CLTC: variants seen among roughly 807,000 people sequenced by gnomAD.
CLTC encodes clathrin heavy chain.
Under a neutral mutation model 195.8 loss-of-function variants are expected in CLTC, and 16 were observed. That is an observed-to-expected ratio of 0.08 (90% CI 0.06 to 0.12). The LOEUF is 0.12. Ranked by LOEUF, CLTC falls within the 10% of genes least tolerant of loss-of-function variation. The pLI is 1.00. For missense variants in CLTC, 796 were observed against 2,027.0 expected (o/e 0.39, Z 11.66); for synonymous variants, 667 against 689.4 (o/e 0.97, Z 0.51).
At chr17:59,653,381 G>A (rs1341747711) in intron 5 of CLTC, among the ~76,000 whole-genome samples, 1 of 151,656 alleles carries the variant, frequency 6.6e-6, no homozygotes, top group South Asian at 2.1e-4. Flanking sequence ...TTTTAGTAGA[G>A]ATGGGGTTTC....
At chr17:59,678,411 A>C (rs1288427441) in intron 17 of CLTC, among the ~76,000 whole-genome samples, 5 of 152,176 alleles carry the variant, frequency 3.3e-5, no homozygotes, top group Admixed American at 6.5e-5. Context: ...GTTGGTTGCA[A>C]AATGAAAATT....
chr17:59,684,816 G>GAAA (rs61595408), intron 28 of CLTC, among the ~76,000 whole-genome samples: 1 of 146,324 alleles, frequency 6.8e-6, no homozygotes, highest in Admixed American at 6.9e-5. Context: ...CAAAAAAAAA[G>GAAA]AAAAAAATCT....
chr17:59,658,207 A>G (rs2032521740), intron 6 of CLTC, among the ~76,000 whole-genome samples: 1 of 152,156 alleles, frequency 6.6e-6, no homozygotes, highest in South Asian at 2.1e-4. Context: ...CGTCTCAAAA[A>G]AAAAAAGAGA....
chr17:59,689,480 A>T (rs1464592040), intron 30 of CLTC: 2 of 151,972 alleles, frequency 1.3e-5, no homozygotes, highest in African/African-American at 4.8e-5. Context: ...TGCAGTGAGC[A>T]TTCATAAAGT....
intron 2 of CLTC, chr17:59,645,912 G>C (rs60164173): frequency 4.8e-6 from 1 of 207,012 alleles, no homozygotes; most frequent in African/African-American, 2.4e-5. Flanking sequence ...CAATTCCCAT[G>C]CCTCTCTATT....
intron 6 of CLTC, among the ~76,000 whole-genome samples, chr17:59,658,976 A>G: frequency 6.6e-6 from 1 of 152,204 alleles, no homozygotes; most frequent in East Asian, 1.9e-4. Context: ...GGCAGGGCAG[A>G]CTGTTACCTA....
intron 31 of CLTC, among the ~76,000 whole-genome samples, chr17:59,691,485 G>A (rs1011237049): frequency 6.6e-6 from 1 of 151,936 alleles, no homozygotes; most frequent in East Asian, 1.9e-4. Flanking sequence ...TTAGCCGGGC[G>A]TGGTGGCACA....
In CLTC at chr17:59,631,670, T is replaced by A. The variant is rs182504216; in HGVS notation, c.42+11497T>A. 6.0e-3 allele frequency among the ~76,000 whole-genome samples: 918 copies of A among 152,274 alleles called. 2 individuals are homozygous for A. The highest frequency in any genetic ancestry group is 0.01 in the Non-Finnish European group (692 of 68,000). Reference sequence around the variant, plus strand: ...ATGTGGAAGGAGTAACAAGATTTTTTAAAAAGATTTTGAATTTAGGCTGGG... The same window carrying A: ...ATGTGGAAGGAGTAACAAGATTTTTAAAAAAGATTTTGAATTTAGGCTGGG... On this transcript the variant is annotated intron_variant, in intron 1 of 31. Transcript: ENST00000269122.
At chr17:59,689,065 A>T (rs1185707365) in intron 30 of CLTC, 2 of 152,220 alleles carry the variant, frequency 1.3e-5, no homozygotes, top group Admixed American at 6.5e-5. Context: ...ACTACATAAT[A>T]GTCTTTAATT....
intron 9 of CLTC, 147 bp from the exon 10 acceptor site, chr17:59,664,640 C>T: frequency 1.5e-6 from 1 of 648,244 alleles, no homozygotes; most frequent in Non-Finnish European, 2.4e-6. Context: ...ATGTCATCAC[C>T]AAGGTCTAAC....
In CLTC at chr17:59,696,801, C is replaced by G. The variant is rs1013558447; in HGVS notation, c.*2949C>G. 15 of 204,002 alleles carry G rather than the reference C, an allele frequency of 7.4e-5. No individual in the cohort carries two copies. Among genetic ancestry groups the G allele is most frequent in the African/African-American group, 2.7e-4 (12 of 43,758 alleles). The allele number at this position is 204,002 out of a possible 1,614,324, so 12.6% of individuals were successfully genotyped here. A position where few individuals can be genotyped will look rare whatever the true frequency, so the allele number is the denominator to read the frequency against. ...ATCTGTTAAGGTCCATAAGGTTACT[C>G]AAGTTTCAGTGGCTTCATTGTTACA... On this transcript the variant is annotated 3_prime_UTR_variant, in exon 32 of 32. Transcript: ENST00000269122.
intron 1 of CLTC, among the ~76,000 whole-genome samples, chr17:59,621,934 CAG>C (rs559188843): frequency 5.4e-4 from 83 of 152,304 alleles, no homozygotes; most frequent in African/African-American, 1.9e-3. Context: ...ATAAACCACA[CAG>C]AGAATCAAGT....
At position 59,684,111 on chromosome 17, in the gene CLTC, T is replaced by G; in HGVS notation, c.4434+126T>G. On this transcript the variant is annotated intron_variant, in intron 28 of 31. Coordinates refer to ENST00000269122, the MANE Select transcript of CLTC (RefSeq NM_004859.4). The stretch of plus-strand genomic sequence containing the variant: ...TGCTTGCATACCTAGGATCTAAATT[T>G]AGTAAGATTTCAGGATTGATAAATC... 3.2e-6 allele frequency: 2 copies of G among 621,662 alleles called. 1 individual carries two copies. The highest frequency in any genetic ancestry group is 4.4e-5 in the South Asian group (2 of 45,786). 38.5% of individuals were successfully genotyped at this position (621,662 alleles called of 1,614,324 possible). A position where few individuals can be genotyped will look rare whatever the true frequency, so the allele number is the denominator to read the frequency against.
In CLTC at chr17:59,695,160, G is replaced by T. The variant is rs149017223; in HGVS notation, c.*1308G>T. The T allele has an allele frequency of 3.5e-5, 7 of 201,624 alleles. No homozygotes were observed. The highest frequency in any genetic ancestry group is 7.2e-5 in the Non-Finnish European group (7 of 97,876). 12.5% of individuals were successfully genotyped at this position (201,624 alleles called of 1,614,324 possible). A position where few individuals can be genotyped will look rare whatever the true frequency, so the allele number is the denominator to read the frequency against. ...TGAATTATAAAGGTGCCCAAATTAT[G>T]GGTATCTTGATTTTTTTCAAAAATT... On this transcript the variant is annotated 3_prime_UTR_variant, in exon 32 of 32. Transcript: ENST00000269122.
intron 31 of CLTC, among the ~76,000 whole-genome samples, chr17:59,693,379 TTA>T (rs779599909): frequency 0.039 from 4,823 of 124,216 alleles, 104 homozygotes; most frequent in South Asian, 0.083. Flanking sequence ...TTTTTTTTTT[TTA>T]AAAAGTCTTT....
chr17:59,624,614 G>T (rs1254657738), intron 1 of CLTC, among the ~76,000 whole-genome samples: 1 of 151,848 alleles, frequency 6.6e-6, no homozygotes, highest in East Asian at 1.9e-4. Context: ...GATTTTAGGT[G>T]TCTGCCACCA....
At chr17:59,629,019 A>G (rs2031631915) in intron 1 of CLTC, among the ~76,000 whole-genome samples, 1 of 152,102 alleles carries the variant, frequency 6.6e-6, no homozygotes, top group East Asian at 1.9e-4. Flanking sequence ...AAAAAAAACC[A>G]CCAAAGTGGA....
intron 1 of CLTC, among the ~76,000 whole-genome samples, chr17:59,627,119 T>C (rs2143443901): frequency 6.6e-6 from 1 of 152,256 alleles, no homozygotes; most frequent in Admixed American, 6.5e-5. Flanking sequence ...CAGGATGGTC[T>C]CAAAATCCCG....
rs755357552 is a variant in CLTC, at chr17:59,690,725, G to C, written c.4903+14G>C. On this transcript the variant is annotated intron_variant, in intron 31 of 31. Transcript: ENST00000269122. ...CCATTGTTTATGGTAATCTCTCTCT[G>C]TAACCTCAAAAAATTCATTAGACAA... 9 of 1,588,480 alleles carry C rather than the reference G, an allele frequency of 5.7e-6. No individual in the cohort carries two copies. The highest frequency in any genetic ancestry group is 7.8e-6 in the Non-Finnish European group (9 of 1,159,960).
Sources: gnomAD v4.1 joint callset for allele counts (sites outside exome capture counted in the v4.1 genomes callset) on GRCh38, gnomAD v4.1.1 for gene constraint, MANE v1.5 for transcripts, NCBI Gene and HGNC (gene_info 2026-07-23, HGNC 2026-07-21) for gene names.